GNPDA1: variants seen among roughly 807,000 people sequenced by gnomAD.
GNPDA1 encodes the protein GNPDA 1.
A neutral mutation model predicts 28.5 loss-of-function variants in GNPDA1; 24 were observed. The ratio of observed to expected loss-of-function variants is 0.84; its 90% CI spans 0.61 to 1.19. The LOEUF (loss-of-function observed/expected upper bound fraction) is 1.19, where lower values mean the gene tolerates loss of function less well. GNPDA1 is among the 50% of genes most tolerant of loss of function. The pLI is 0.00. For synonymous variants in GNPDA1, 147 were observed against 139.3 expected, an observed-to-expected ratio of 1.06 and a Z score of -0.39; for missense variants, 264 against 367.3, an observed-to-expected ratio of 0.72 and a Z score of 2.30.
intron 1 of GNPDA1, chr5:142,012,647 A>AG (rs1755991944): frequency 1.8e-6 from 1 of 556,710 alleles, no homozygotes; most frequent in Non-Finnish European, 2.3e-6. Flanking sequence ...GGACTAGCGG[A>AG]GGGGTCTTCC....
intron 2 of GNPDA1, among the ~76,000 whole-genome samples, chr5:142,010,122 C>T (rs894301765): frequency 6.6e-6 from 1 of 152,254 alleles, no homozygotes; most frequent in African/African-American, 2.4e-5. Flanking sequence ...GTGCAGAACT[C>T]AGCAAACTTT....
chr5:142,012,124 C>G, intron 1 of GNPDA1, 83 bp from the exon 2 acceptor site: 2 of 1,390,980 alleles, frequency 1.4e-6, no homozygotes, highest in Middle Eastern at 2.3e-4. Context: ...AGAAGCTTCT[C>G]TTACCCAGCA....
rs1755730518 is a variant in GNPDA1, at chr5:142,003,632, C to T, written c.595-370G>A. 6.6e-6 allele frequency among the ~76,000 whole-genome samples: 1 copy of T among 152,180 alleles called. No individual in the cohort carries two copies. The highest frequency in any genetic ancestry group is 2.4e-5 in the African/African-American group (1 of 41,434). ...CATCAGCTGGGTGACTCTACACAAGCACAGTTTGTGAAAGAGGGCTCCCAA... is the reference window on the plus strand; with the variant it reads ...CATCAGCTGGGTGACTCTACACAAGTACAGTTTGTGAAAGAGGGCTCCCAA... On this transcript the variant is annotated intron_variant, in intron 5 of 6. Transcript: ENST00000311337. The surrounding 1 kb of genome is among the most constrained non-coding windows in gnomAD (Gnocchi z 4.0).
At chr5:142,012,734 TC>T in intron 1 of GNPDA1, 1 of 974,908 alleles carries the variant, frequency 1.0e-6, no homozygotes, top group Non-Finnish European at 1.2e-6. Context: ...AGGTAATCGC[TC>T]CAGAAGGAGG....
At chr5:142,010,417 C>T (rs976573841) in intron 2 of GNPDA1, among the ~76,000 whole-genome samples, 6 of 152,214 alleles carry the variant, frequency 3.9e-5, no homozygotes, top group Non-Finnish European at 7.3e-5. Context: ...CCTCAGCCTC[C>T]CAAAGTGCTG....
At position 142,004,953 on chromosome 5, in the gene GNPDA1, G is replaced by T. The variant is rs892621320; in HGVS notation, c.573C>A (p.Gly191=). Residue 191 remains glycine (G), a synonymous_variant, in exon 5 of 7, where the codon GGC becomes GGA. Transcript: ENST00000311337. ...TTACCTCTCTAGCATCCATGACAGT[G>T]CCCACCCCCACCGTCAAGGCCATGG... ...VPTMALTVGV[G]TVMDAREVMI... 3 of 1,607,636 alleles carry T rather than the reference G, an allele frequency of 1.9e-6. No homozygotes were observed. The highest frequency in any genetic ancestry group is 2.6e-6 in the Non-Finnish European group (3 of 1,174,820).
Position 142,011,956 on chromosome 5 carries a change from A to C in GNPDA1, c.80T>G (p.Phe27Cys). The stretch of plus-strand genomic sequence containing the variant: ...GAAGTACTTCTCTGGCCCTGGGTTA[A>C]ACTGGATGATGCGGTTCCTGATGTA... ...AKYIRNRIIQ[F>C]NPGPEKYFTL... Residue 27 changes from phenylalanine (F) to cysteine (C), a missense_variant, in exon 2 of 7, where the codon TTT (phenylalanine) becomes TGT (cysteine). Coordinates refer to ENST00000311337, the MANE Select transcript of GNPDA1 (RefSeq NM_005471.5). 1 of 1,614,002 alleles carries C rather than the reference A, an allele frequency of 6.2e-7. No homozygotes were observed. Among genetic ancestry groups the C allele is most frequent in the Non-Finnish European group, 8.5e-7 (1 of 1,179,904 alleles).
At chr5:142,008,815 C>A (rs922184075) in intron 2 of GNPDA1, among the ~76,000 whole-genome samples, 15 of 151,326 alleles carry the variant, frequency 9.9e-5, no homozygotes, top group Non-Finnish European at 2.1e-4. Context: ...GATGCATGAA[C>A]CCTGACTGGA....
rs183129736 is a variant in GNPDA1, at chr5:142,011,848, C to T, written c.124+64G>A. The T allele has an allele frequency of 3.6e-5, 57 of 1,587,030 alleles. No individual in the cohort carries two copies. In the East Asian group the frequency reaches 1.1e-3, roughly 32 times the overall value. On this transcript the variant is annotated intron_variant, in intron 2 of 6. Transcript: ENST00000311337. ...TCCCTTGGCTGAGTGAGCCGGTGTA[C>T]CTGGCCCCTGTTGCCTACTCTCTCC...
intron 1 of GNPDA1, 97 bp downstream of exon 1, chr5:142,012,898 C>G (rs1037623540): frequency 6.6e-6 from 1 of 152,330 alleles, no homozygotes; most frequent in Non-Finnish European, 1.5e-5. Flanking sequence ...GTGAGGGCGG[C>G]TCCCCGGGGT....
At chr5:142,008,904 A>G (rs2127095391) in intron 2 of GNPDA1, among the ~76,000 whole-genome samples, 1 of 152,364 alleles carries the variant, frequency 6.6e-6, no homozygotes, top group Admixed American at 6.5e-5. Context: ...CACAGTTTGC[A>G]TATTAGATGA....
Position 142,003,020 on chromosome 5 carries a change from G to T in GNPDA1, c.769+68C>A. ...TTAAAATGACCAGAGGATGAAAGCT[G>T]GATCTACTCCTTACTCCTAGCACAC... On this transcript the variant is annotated intron_variant, in intron 6 of 6. Transcript: ENST00000311337. The surrounding 1 kb of genome is among the most constrained non-coding windows in gnomAD (Gnocchi z 4.0). The T allele has an allele frequency of 7.6e-7, 1 of 1,319,038 alleles. No homozygotes were observed. Among genetic ancestry groups the T allele is most frequent in the Non-Finnish European group, 1.1e-6 (1 of 950,540 alleles). 81.7% of individuals were successfully genotyped at this position (1,319,038 alleles called of 1,614,324 possible). A position where few individuals can be genotyped will look rare whatever the true frequency, so the allele number is the denominator to read the frequency against.
Position 142,001,427 on chromosome 5 carries a change from C to G in GNPDA1, c.*602G>C, listed in dbSNP as rs930613384. On this transcript the variant is annotated 3_prime_UTR_variant, in exon 7 of 7. Coordinates refer to ENST00000311337, the MANE Select transcript of GNPDA1 (RefSeq NM_005471.5). ...AGCCTCCTCTTTGGCCCCACCCACC[C>G]AAATCCACCCCCAGGTTCTCCTAGT... The G allele has an allele frequency of 1.3e-5, 2 of 152,294 alleles. No homozygotes were observed. Among genetic ancestry groups the G allele is most frequent in the Non-Finnish European group, 2.9e-5 (2 of 68,054 alleles). The allele number at this position is 152,294 out of a possible 1,614,324, so 9.4% of individuals were successfully genotyped here.
rs143513896 is a variant in GNPDA1, at chr5:142,010,302, G to A, written c.124+1610C>T. ...GCCTCCTGAGTAGCTGGGATTATAGGTGCCCGCCACCATGCCCAGCTAATT... is the reference window on the plus strand; with the variant it reads ...GCCTCCTGAGTAGCTGGGATTATAGATGCCCGCCACCATGCCCAGCTAATT... On this transcript the variant is annotated intron_variant, in intron 2 of 6. Transcript: ENST00000311337. Among the ~76,000 whole-genome samples the A allele has an allele frequency of 6.2e-3, 939 of 152,192 alleles. 6 individuals carry two copies. The highest frequency in any genetic ancestry group is 0.02 in the African/African-American group (816 of 41,520).
Position 142,003,445 on chromosome 5 carries a change from A to G in GNPDA1, c.595-183T>C, listed in dbSNP as rs1273457522. On this transcript the variant is annotated intron_variant, in intron 5 of 6. Transcript: ENST00000311337. This position sits in a 1 kb window ranked among gnomAD's most constrained non-coding sequence, Gnocchi z 4.0. Reference sequence around the variant, plus strand: ...CAGGCAGCATCATTATCTCCATCTTATAAGAAAACAGAGCCCCAGGGGGTT... The same window carrying G: ...CAGGCAGCATCATTATCTCCATCTTGTAAGAAAACAGAGCCCCAGGGGGTT... 1.3e-5 allele frequency among the ~76,000 whole-genome samples: 2 copies of G among 152,190 alleles called. No individual in the cohort carries two copies. Among genetic ancestry groups the G allele is most frequent in the East Asian group, 1.9e-4 (1 of 5,192 alleles).
intron 6 of GNPDA1, among the ~76,000 whole-genome samples, chr5:142,002,696 G>C (rs1435176092): frequency 6.6e-6 from 1 of 152,162 alleles, no homozygotes; most frequent in African/African-American, 2.4e-5. Context: ...GGAGGTTGCA[G>C]TGAGCTGAGA....
chr5:142,010,086 G>A (rs1277421856), intron 2 of GNPDA1, among the ~76,000 whole-genome samples: 1 of 152,238 alleles, frequency 6.6e-6, no homozygotes, highest in African/African-American at 2.4e-5. Flanking sequence ...ACAGGCACAG[G>A]TGGATACTAC....
chr5:142,012,916 C>G (rs1424387970), intron 1 of GNPDA1, 79 bp downstream of exon 1: 2 of 152,104 alleles, frequency 1.3e-5, no homozygotes, highest in Non-Finnish European at 2.9e-5. Flanking sequence ...GGTCCCGACC[C>G]CGAGTGCCGT....
Position 142,002,622 on chromosome 5 carries a change from G to A in GNPDA1, c.769+466C>T, listed in dbSNP as rs183004741. 8.5e-5 allele frequency among the ~76,000 whole-genome samples: 13 copies of A among 152,096 alleles called. No individual in the cohort carries two copies. In the East Asian group the frequency reaches 2.3e-3, roughly 27 times the overall value. On this transcript the variant is annotated intron_variant, in intron 6 of 6. Transcript: ENST00000311337. ...ACAAAAATTAACTGGGTATAGTGGC[G>A]GGCACCTGTAATCCCAGCTACTTGG...
Sources: gnomAD v4.1 joint callset for allele counts (sites outside exome capture counted in the v4.1 genomes callset) on GRCh38, gnomAD v4.1.1 for gene constraint, Gnocchi (gnomAD v3.1) non-coding constraint, MANE v1.5 for transcripts, NCBI Gene and HGNC (gene_info 2026-07-23, HGNC 2026-07-21) for gene names.